DYM: variants seen among roughly 807,000 people sequenced by gnomAD.
DYM encodes dymeclin, also known as dyggve-Melchior-Clausen syndrome protein.
Under a neutral mutation model 93.1 loss-of-function variants are expected in DYM, and 78 were observed. The ratio of observed to expected loss-of-function variants is 0.84; its 90% CI spans 0.70 to 1.01. DYM has a LOEUF of 1.01. Ranked by LOEUF, DYM falls within the 50% of genes least tolerant of loss-of-function variation. DYM has a pLI of 0.00. For synonymous variants in DYM, 321 were observed against 319.7 expected, an observed-to-expected ratio of 1.00 and a Z score of -0.04; for missense variants, 789 against 845.0, an observed-to-expected ratio of 0.93 and a Z score of 0.82.
At chr18:49,287,616 G>A (rs1284642610) in intron 8 of DYM, among the ~76,000 whole-genome samples, 2 of 151,842 alleles carry the variant, frequency 1.3e-5, no homozygotes, top group Admixed American at 6.6e-5. Context: ...CTGGCACGGT[G>A]GCTCACGCCT....
At chr18:49,109,185 G>T (rs1347770518) in intron 16 of DYM, among the ~76,000 whole-genome samples, 15 of 151,992 alleles carry the variant, frequency 9.9e-5, no homozygotes, top group Admixed American at 9.8e-4. Context: ...TTTAATTGAG[G>T]CATCAGGATT....
At chr18:49,070,926 C>A (rs529671370) in intron 17 of DYM, among the ~76,000 whole-genome samples, 1 of 152,232 alleles carries the variant, frequency 6.6e-6, no homozygotes, top group East Asian at 1.9e-4. Flanking sequence ...CCATTGTGCC[C>A]TGATTTGAAA....
At chr18:49,229,747 A>G (rs12606808) in intron 13 of DYM, among the ~76,000 whole-genome samples, 11,726 of 152,214 alleles carry the variant, frequency 0.077, 739 homozygotes, top group East Asian at 0.31. Context: ...CATATGCCCA[A>G]GAAACTCTAC....
chr18:49,244,685 G>A (rs756344906), intron 13 of DYM, among the ~76,000 whole-genome samples: 17 of 151,988 alleles, frequency 1.1e-4, no homozygotes, highest in African/African-American at 2.2e-4. Context: ...TGTGTGTGAC[G>A]GATACCAGCT....
intron 13 of DYM, among the ~76,000 whole-genome samples, chr18:49,214,949 A>T (rs376672097): frequency 6.6e-6 from 1 of 152,194 alleles, no homozygotes; most frequent in Non-Finnish European, 1.5e-5. Context: ...CATGTGCAAG[A>T]TCTATCCACA....
intron 5 of DYM, among the ~76,000 whole-genome samples, chr18:49,374,442 G>A (rs2067306000): frequency 6.6e-6 from 1 of 152,206 alleles, no homozygotes; most frequent in Non-Finnish European, 1.5e-5. Flanking sequence ...GAAAGAGACA[G>A]AAAATGTATT....
intron 13 of DYM, among the ~76,000 whole-genome samples, chr18:49,230,423 T>C (rs2093660493): frequency 6.6e-6 from 1 of 152,134 alleles, no homozygotes; most frequent in Non-Finnish European, 1.5e-5. Context: ...TTTCCCATGC[T>C]AGCATCCAAA....
At chr18:49,051,520 ACTTGAAG>A (rs2072442435) in intron 17 of DYM, among the ~76,000 whole-genome samples, 1 of 152,226 alleles carries the variant, frequency 6.6e-6, no homozygotes, top group African/African-American at 2.4e-5. Context: ...TGCAGGGTTC[ACTTGAAG>A]AAAGGGTTGA....
At chr18:49,131,149 A>G (rs1390070957) in intron 15 of DYM, among the ~76,000 whole-genome samples, 1 of 152,194 alleles carries the variant, frequency 6.6e-6, no homozygotes, top group Non-Finnish European at 1.5e-5. Context: ...ACCCGAAACA[A>G]GAAGGAAGAA....
At chr18:49,094,029 TG>T (rs2079321863) in intron 17 of DYM, among the ~76,000 whole-genome samples, 1 of 152,234 alleles carries the variant, frequency 6.6e-6, no homozygotes, top group Admixed American at 6.5e-5. Flanking sequence ...GTTTGGTTAA[TG>T]TCAATAACAT....
At chr18:49,118,423 A>G (rs1193760250) in intron 16 of DYM, among the ~76,000 whole-genome samples, 1 of 152,166 alleles carries the variant, frequency 6.6e-6, no homozygotes, top group Non-Finnish European at 1.5e-5. Context: ...GGACACAAAC[A>G]TGGGCTAGAT....
chr18:49,095,920 T>A (rs1049540283), intron 17 of DYM, among the ~76,000 whole-genome samples: 3 of 152,136 alleles, frequency 2.0e-5, no homozygotes, highest in African/African-American at 7.2e-5. Flanking sequence ...ATTTCTACTT[T>A]GTTCTTGACT....
chr18:49,414,098 T>C (rs1423146109), intron 2 of DYM, among the ~76,000 whole-genome samples: 2 of 17,832 alleles, frequency 1.1e-4, no homozygotes, highest in Non-Finnish European at 1.9e-4. Context: ...TCCACTTATA[T>C]GACAATACCC....
intron 3 of DYM, among the ~76,000 whole-genome samples, chr18:49,388,158 C>T (rs989823043): frequency 2.6e-5 from 4 of 151,740 alleles, no homozygotes; most frequent in Non-Finnish European, 5.9e-5. Context: ...GGCAAGATCC[C>T]ACCTCTACAG....
rs144288845 is a variant in DYM at position 49,056,051 on chromosome 18, G to C, written c.2026-11847C>G. 1.7e-3 allele frequency among the ~76,000 whole-genome samples: 256 copies of C among 152,296 alleles called. 3 individuals are homozygous for C. In the East Asian group the frequency reaches 0.044, roughly 26 times the overall value. ...ACGTGAGCCTGGCTAGGGGAAGTGAGTAATGAGGGGGCTGGGGGAGGTGCA... is the reference window on the plus strand; with the variant it reads ...ACGTGAGCCTGGCTAGGGGAAGTGACTAATGAGGGGGCTGGGGGAGGTGCA... On this transcript the variant is annotated intron_variant, in intron 17 of 17. Coordinates refer to ENST00000675505, the MANE Select transcript of DYM (RefSeq NM_001353214.3).
chr18:49,372,496 A>G (rs2067135216), intron 5 of DYM, among the ~76,000 whole-genome samples: 3 of 152,206 alleles, frequency 2.0e-5, no homozygotes, highest in Non-Finnish European at 2.9e-5. Flanking sequence ...TAATCCCAGC[A>G]CTTTGGGAGG....
intron 16 of DYM, 47 bp from the exon 17 acceptor site, chr18:49,097,562 T>G (rs751582588): frequency 1.3e-6 from 2 of 1,499,412 alleles, no homozygotes; most frequent in Non-Finnish European, 1.8e-6. Flanking sequence ...GTATGAAATG[T>G]ATTTTTAGTA....
intron 8 of DYM, among the ~76,000 whole-genome samples, chr18:49,292,336 G>GCAGGCAGGCAGGCAGACAGA (rs1568187404): frequency 9.9e-6 from 1 of 101,284 alleles, no homozygotes; most frequent in East Asian, 2.9e-4. Flanking sequence ...AGGCAGGCAG[G>GCAGGCAGGCAGGCAGACAGA]CAGACAGACA....
chr18:49,225,748 A>G (rs965196783), intron 13 of DYM, among the ~76,000 whole-genome samples: 1 of 152,144 alleles, frequency 6.6e-6, no homozygotes, highest in Non-Finnish European at 1.5e-5. Context: ...CCTTCCAATA[A>G]GTGCTTTCAT....
Sources: gnomAD v4.1 joint callset for allele counts (sites outside exome capture counted in the v4.1 genomes callset) on GRCh38, gnomAD v4.1.1 for gene constraint, MANE v1.5 for transcripts, NCBI Gene and HGNC (gene_info 2026-07-23, HGNC 2026-07-21) for gene names.